The following PTPRN2 variants were observed in gnomAD, a reference collection of about 807,000 sequenced individuals.
PTPRN2 encodes the protein protein tyrosine phosphatase receptor type N2, also known as receptor-type tyrosine-protein phosphatase N2.
PTPRN2 carries 74 observed loss-of-function variants against 118.8 expected under a neutral mutation model. The ratio of observed to expected loss-of-function variants is 0.62; its 90% CI spans 0.52 to 0.76. The LOEUF (loss-of-function observed/expected upper bound fraction) is 0.76. PTPRN2 is among the 30% of genes least tolerant of loss of function. The probability of loss-of-function intolerance (pLI) is 0.00; values close to 1 mark genes in which losing one functional copy is unlikely to be tolerated. For missense variants in PTPRN2, 1,481 were observed against 1,394.4 expected, an observed-to-expected ratio of 1.06 and a Z score of -0.99; for synonymous variants, 641 against 608.0, an observed-to-expected ratio of 1.05 and a Z score of -0.80.
chr7:158,064,486 G>A (rs1810610869), intron 11 of PTPRN2, among the ~76,000 whole-genome samples: 1 of 152,138 alleles, frequency 6.6e-6, no homozygotes, highest in Admixed American at 6.5e-5. Context: ...GCCCAGCGCT[G>A]TGAGGTTGCT....
chr7:157,637,893 AG>A (rs1387855155), intron 14 of PTPRN2, among the ~76,000 whole-genome samples: 1 of 152,262 alleles, frequency 6.6e-6, no homozygotes, highest in Non-Finnish European at 1.5e-5. Context: ...GGAAGAATAA[AG>A]AGTTCCAGCA....
chr7:158,375,672 C>T (rs957050180), intron 2 of PTPRN2, among the ~76,000 whole-genome samples: 2 of 152,222 alleles, frequency 1.3e-5, no homozygotes, highest in South Asian at 2.1e-4. Context: ...GCCTCCCATG[C>T]CTGCCTATCC....
At chr7:158,454,185 G>A (rs112533601) in intron 2 of PTPRN2, among the ~76,000 whole-genome samples, 7,947 of 134,328 alleles carry the variant, frequency 0.059, 249 homozygotes, top group Non-Finnish European at 0.075. Flanking sequence ...AAGACACAAC[G>A]CACACAATCA....
At position 157,898,695 on chromosome 7, in the gene PTPRN2, A is replaced by AT; in HGVS notation, c.1765dup (p.Ile589AsnfsTer54). ...CACCGACCCGACTCCGGTTTGAAGA[A>AT]TTTTCAGTCCAGAGGTTTCCTCCAG... On this transcript the variant is annotated frameshift_variant, in exon 12 of 23. Transcript: ENST00000389418. LOFTEE classifies it high-confidence loss of function. 3 of 1,606,958 alleles carry AT rather than the reference A, an allele frequency of 1.9e-6. No homozygotes were observed. The highest frequency in any genetic ancestry group is 2.6e-6 in the Non-Finnish European group (3 of 1,173,460).
chr7:158,365,775 A>C (rs1160335346), intron 2 of PTPRN2, among the ~76,000 whole-genome samples: 2 of 145,294 alleles, frequency 1.4e-5, no homozygotes, highest in Non-Finnish European at 3.0e-5. Flanking sequence ...ACGTGCATAC[A>C]CACACACACA....
chr7:158,032,041 G>T (rs117853474), intron 11 of PTPRN2, among the ~76,000 whole-genome samples: 1 of 152,224 alleles, frequency 6.6e-6, no homozygotes, highest in East Asian at 1.9e-4. Context: ...CTCCAGCACT[G>T]CTGAGAAAGA....
chr7:157,912,140 T>A (rs758985076), intron 11 of PTPRN2, among the ~76,000 whole-genome samples: 2 of 152,238 alleles, frequency 1.3e-5, no homozygotes, highest in Non-Finnish European at 2.9e-5. Context: ...TCTATCAATT[T>A]ACACTCCTGT....
At position 157,861,613 on chromosome 7, in the gene PTPRN2, C is replaced by T. The variant is rs371250789; in HGVS notation, c.1788+37060G>A. On this transcript the variant is annotated intron_variant, in intron 12 of 22. Transcript: ENST00000389418. The surrounding 1 kb of genome is among the most constrained non-coding windows in gnomAD (Gnocchi z 5.8). Reference sequence around the variant, plus strand: ...GGCTGCCAGAACAAAGGACTCCAGACGGATGGGCTTGAAACAGTGGATGCC... The same window carrying T: ...GGCTGCCAGAACAAAGGACTCCAGATGGATGGGCTTGAAACAGTGGATGCC... Among the ~76,000 whole-genome samples, 46 of 152,322 alleles carry T rather than the reference C, an allele frequency of 3.0e-4. 1 individual carries two copies. In the East Asian group the frequency reaches 7.1e-3, roughly 24 times the overall value.
At chr7:158,554,286 C>G (rs1826840910) in intron 1 of PTPRN2, among the ~76,000 whole-genome samples, 1 of 152,188 alleles carries the variant, frequency 6.6e-6, no homozygotes, top group South Asian at 2.1e-4. Context: ...ACAAGAAAAA[C>G]AGAGACCGAA....
At chr7:157,752,244 G>A (rs116231343) in intron 12 of PTPRN2, among the ~76,000 whole-genome samples, 7,049 of 152,312 alleles carry the variant, frequency 0.046, 208 homozygotes, top group South Asian at 0.11. Flanking sequence ...CGGCCATCAC[G>A]GATGTAGCGG....
chr7:157,583,855 C>G lies in PTPRN2; in HGVS notation c.2497-5715G>C, dbSNP rs944065779. Among the ~76,000 whole-genome samples the G allele has an allele frequency of 5.3e-5, 8 of 150,368 alleles. No individual in the cohort carries two copies. The highest frequency in any genetic ancestry group is 2.0e-4 in the African/African-American group (8 of 40,976). On this transcript the variant is annotated intron_variant, in intron 17 of 22. Coordinates refer to ENST00000389418, the MANE Select transcript of PTPRN2 (RefSeq NM_002847.5). This position sits in a 1 kb window ranked among gnomAD's most constrained non-coding sequence, Gnocchi z 5.5. ...TGAGATCATGCCACTGCACGCCAGC[C>G]TGGGTGACAGAGCGAGACTCTGTCT...
At chr7:158,495,975 A>G (rs1448408147) in intron 1 of PTPRN2, among the ~76,000 whole-genome samples, 1 of 152,004 alleles carries the variant, frequency 6.6e-6, no homozygotes, top group Non-Finnish European at 1.5e-5. Flanking sequence ...CAGCCCTGGC[A>G]GCTCCTGCCA....
intron 14 of PTPRN2, among the ~76,000 whole-genome samples, chr7:157,649,854 G>GACGC (rs1805510884): frequency 6.7e-6 from 1 of 149,500 alleles, no homozygotes; most frequent in African/African-American, 2.5e-5. Flanking sequence ...GAACTCGGTG[G>GACGC]GTTGGACCCA....
At chr7:158,284,534 C>T (rs1244285148) in intron 3 of PTPRN2, among the ~76,000 whole-genome samples, 1 of 152,208 alleles carries the variant, frequency 6.6e-6, no homozygotes, top group African/African-American at 2.4e-5. Flanking sequence ...AATTTGAGCT[C>T]AGGCAGAGCC....
intron 3 of PTPRN2, among the ~76,000 whole-genome samples, chr7:158,286,614 A>G (rs533485514): frequency 2.8e-4 from 42 of 152,322 alleles, no homozygotes; most frequent in African/African-American, 9.6e-4. Flanking sequence ...ATGAGATGAT[A>G]TATGGTTTTT....
intron 18 of PTPRN2, among the ~76,000 whole-genome samples, chr7:157,577,117 A>G (rs1207654256): frequency 6.6e-6 from 1 of 152,218 alleles, no homozygotes; most frequent in Non-Finnish European, 1.5e-5. Context: ...GGAACCAGAG[A>G]AAAATTACAC....
intron 2 of PTPRN2, among the ~76,000 whole-genome samples, chr7:158,336,789 G>T (rs1381863693): frequency 1.0e-5 from 1 of 99,594 alleles, no homozygotes; most frequent in East Asian, 3.3e-4. Flanking sequence ...ACCTGCAGAC[G>T]TCACTCACAT....
intron 2 of PTPRN2, among the ~76,000 whole-genome samples, chr7:158,342,417 A>T (rs1807069712): frequency 3.8e-5 from 5 of 131,888 alleles, no homozygotes; most frequent in African/African-American, 1.2e-4. Context: ...CCACACTCTC[A>T]CCATAAGAGC....
chr7:158,504,478 C>T (rs145012908), intron 1 of PTPRN2, among the ~76,000 whole-genome samples: 46 of 152,190 alleles, frequency 3.0e-4, no homozygotes, highest in African/African-American at 9.6e-4. Flanking sequence ...GTTAGTTTGC[C>T]GAGGATAACA....
Sources: allele counts gnomAD v4.1 joint callset (sites outside exome capture counted in the v4.1 genomes callset), GRCh38; gene constraint gnomAD v4.1.1; non-coding constraint Gnocchi (gnomAD v3.1); transcripts MANE v1.5; gene names NCBI Gene and HGNC (gene_info 2026-07-23, HGNC 2026-07-21).